The following PATJ variants were observed in gnomAD, a reference collection of about 807,000 sequenced individuals.
PATJ encodes inaD-like protein.
A neutral mutation model predicts 224.9 loss-of-function variants in PATJ; 190 were observed. That is an observed-to-expected ratio of 0.84 (90% CI 0.75 to 0.95). PATJ has a LOEUF of 0.95. PATJ is among the 40% of genes least tolerant of loss of function. The pLI, the probability that PATJ is intolerant of heterozygous loss-of-function variation, is 0.00. For synonymous variants in PATJ, 769 were observed against 820.3 expected, an observed-to-expected ratio of 0.94 and a Z score of 1.07; for missense variants, 2,121 against 2,270.3, an observed-to-expected ratio of 0.93 and a Z score of 1.34.
chr1:62,092,661 C>T (rs1660905188), intron 33 of PATJ, among the ~76,000 whole-genome samples: 1 of 151,986 alleles, frequency 6.6e-6, no homozygotes, highest in Non-Finnish European at 1.5e-5. Context: ...GGTGATCCAC[C>T]TGGCTCAGCT....
At chr1:61,955,258 G>A (rs1487158682) in intron 27 of PATJ, among the ~76,000 whole-genome samples, 1 of 152,086 alleles carries the variant, frequency 6.6e-6, no homozygotes, top group Non-Finnish European at 1.5e-5. Flanking sequence ...AGCATTTTTG[G>A]AACCTAATAC....
At chr1:61,753,258 A>C (rs1276239032) in intron 1 of PATJ, among the ~76,000 whole-genome samples, 3 of 152,166 alleles carry the variant, frequency 2.0e-5, no homozygotes, top group Non-Finnish European at 4.4e-5. Flanking sequence ...TCCCTGGTTC[A>C]ATGAGCTCTG....
chr1:61,979,370 T>C (rs1420559640), intron 27 of PATJ, among the ~76,000 whole-genome samples: 1 of 151,848 alleles, frequency 6.6e-6, no homozygotes, highest in East Asian at 1.9e-4. Flanking sequence ...AAAAGACAGA[T>C]TAGGCCAGGC....
At chr1:61,769,252 T>C (rs771803043) in intron 4 of PATJ, 31 bp from the exon 5 acceptor site, 12 of 1,594,680 alleles carry the variant, frequency 7.5e-6, no homozygotes, top group South Asian at 2.3e-5. Context: ...ATGTACACCA[T>C]TGACTTTTTT....
chr1:61,820,794 C>A (rs1042360395), intron 14 of PATJ, among the ~76,000 whole-genome samples: 1 of 152,186 alleles, frequency 6.6e-6, no homozygotes, highest in African/African-American at 2.4e-5. Context: ...GATCCACTGG[C>A]AACTCTTTGC....
intron 31 of PATJ, among the ~76,000 whole-genome samples, chr1:62,065,001 T>C (rs1019729879): frequency 2.6e-5 from 4 of 152,238 alleles, no homozygotes; most frequent in Non-Finnish European, 5.9e-5. Flanking sequence ...AAATTGCCAA[T>C]GGCAGAGTTC....
chr1:61,890,142 A>G (rs984038681), intron 22 of PATJ, among the ~76,000 whole-genome samples: 2 of 152,136 alleles, frequency 1.3e-5, no homozygotes, highest in Non-Finnish European at 1.5e-5. Flanking sequence ...CTTTGTATCT[A>G]TCTTTTGTCA....
chr1:62,149,256 T>A (rs948220958), intron 42 of PATJ, among the ~76,000 whole-genome samples: 1 of 152,106 alleles, frequency 6.6e-6, no homozygotes, highest in Non-Finnish European at 1.5e-5. Context: ...TTAACAAGTT[T>A]CCCAGAGTGA....
intron 27 of PATJ, among the ~76,000 whole-genome samples, chr1:61,943,971 C>T (rs555611077): frequency 6.6e-6 from 1 of 152,098 alleles, no homozygotes; most frequent in Non-Finnish European, 1.5e-5. Context: ...TGGAGTGGAC[C>T]CCCAGCAAAC....
chr1:62,135,252 C>G (rs1171326486), intron 41 of PATJ, among the ~76,000 whole-genome samples: 3 of 152,086 alleles, frequency 2.0e-5, no homozygotes. Context: ...TGTGGTGGCT[C>G]ACGCCTGTAA....
chr1:62,103,087 G>A (rs1662424809), intron 33 of PATJ, among the ~76,000 whole-genome samples: 1 of 151,986 alleles, frequency 6.6e-6, no homozygotes, highest in Non-Finnish European at 1.5e-5. Flanking sequence ...ATCAACTCAC[G>A]CCCTCAAGTT....
At chr1:62,146,490 A>C (rs1668051650) in intron 41 of PATJ, among the ~76,000 whole-genome samples, 1 of 152,084 alleles carries the variant, frequency 6.6e-6, no homozygotes, top group Non-Finnish European at 1.5e-5. Context: ...AACGAATAGA[A>C]TTTTACTGGC....
At chr1:62,116,987 G>A in intron 36 of PATJ, 145 bp from the exon 37 acceptor site, 1 of 671,644 alleles carries the variant, frequency 1.5e-6, no homozygotes, top group Non-Finnish European at 2.5e-6. Context: ...AGGAGCCACA[G>A]AATTCATCCT....
chr1:61,827,679 C>T, intron 16 of PATJ, 96 bp downstream of exon 16: 1 of 1,138,818 alleles, frequency 8.8e-7, no homozygotes, highest in Non-Finnish European at 1.2e-6. Context: ...GGAAACCATT[C>T]CACTCTGCTC....
intron 43 of PATJ, among the ~76,000 whole-genome samples, chr1:62,159,061 C>G (rs1669586866): frequency 6.6e-6 from 1 of 152,158 alleles, no homozygotes; most frequent in African/African-American, 2.4e-5. Flanking sequence ...GCCCTTAAAT[C>G]TTAGCATGTA....
At chr1:61,845,761 C>G (rs1446525566) in intron 17 of PATJ, among the ~76,000 whole-genome samples, 1 of 152,192 alleles carries the variant, frequency 6.6e-6, no homozygotes, top group Non-Finnish European at 1.5e-5. Context: ...CATCCTGTGA[C>G]TTTGACGTGG....
At chr1:62,051,403 T>G (rs1653598351) in intron 31 of PATJ, among the ~76,000 whole-genome samples, 1 of 152,198 alleles carries the variant, frequency 6.6e-6, no homozygotes, top group Non-Finnish European at 1.5e-5. Context: ...CTCAGCTCAC[T>G]GCAACATCTG....
chr1:61,788,967 A>AC (rs71050156), intron 8 of PATJ, among the ~76,000 whole-genome samples: 151,648 of 152,270 alleles, frequency 1, 75,515 homozygotes, highest in Middle Eastern at 1. Flanking sequence ...AGCCACCATG[A>AC]TGACCAGAAA....
At chr1:61,803,856 C>G (rs1194240979) in intron 12 of PATJ, among the ~76,000 whole-genome samples, 5 of 152,076 alleles carry the variant, frequency 3.3e-5, no homozygotes, top group South Asian at 4.1e-4. Flanking sequence ...TTCAGATCAT[C>G]ATGTTATTCA....
Sources: allele counts gnomAD v4.1 joint callset (sites outside exome capture counted in the v4.1 genomes callset), GRCh38; gene constraint gnomAD v4.1.1; transcripts MANE v1.5; gene names NCBI Gene and HGNC (gene_info 2026-07-23, HGNC 2026-07-21).